The following GGH variants were observed in gnomAD, a reference collection of about 807,000 sequenced individuals.
GGH encodes gamma-glutamyl hydrolase.
GGH carries 18 observed loss-of-function variants against 39.2 expected under a neutral mutation model. The observed-to-expected ratio is 0.46, with a 90% CI of 0.32 to 0.68. The LOEUF (loss-of-function observed/expected upper bound fraction) is 0.68. Ranked by LOEUF, GGH falls within the 30% of genes least tolerant of loss-of-function variation. The pLI, the probability that GGH is intolerant of heterozygous loss-of-function variation, is 0.04. For synonymous variants in GGH, 147 were observed against 138.8 expected (o/e 1.06, Z -0.42); for missense variants, 367 against 384.1 (o/e 0.96, Z 0.37).
At chr8:63,038,233 A>G (rs150505118) in intron 1 of GGH, among the ~76,000 whole-genome samples, 1 of 152,374 alleles carries the variant, frequency 6.6e-6, no homozygotes, top group East Asian at 1.9e-4. Context: ...TTGATTTTCT[A>G]TTACAATGCA....
At chr8:63,026,933 G>T in intron 4 of GGH, 1 of 476,590 alleles carries the variant, frequency 2.1e-6, no homozygotes, top group South Asian at 2.7e-5. Flanking sequence ...ATGAGGACAC[G>T]GTTCACATTA....
chr8:63,017,048 T>C (rs1450046064), intron 8 of GGH, among the ~76,000 whole-genome samples: 1 of 151,998 alleles, frequency 6.6e-6, no homozygotes, highest in Admixed American at 6.6e-5. Context: ...AGAAAGAGCT[T>C]GGTGTGGTAG....
chr8:63,028,203 C>T (rs796731899), intron 3 of GGH: 12 of 152,018 alleles, frequency 7.9e-5, no homozygotes, highest in African/African-American at 2.9e-4. Flanking sequence ...TGGTAGAAAA[C>T]ATATAAGCAT....
At chr8:63,032,293 C>T (rs944035552) in intron 2 of GGH, among the ~76,000 whole-genome samples, 8 of 152,184 alleles carry the variant, frequency 5.3e-5, no homozygotes, top group Admixed American at 1.3e-4. Context: ...ACCTCAGCCT[C>T]CCAAAGTGCT....
chr8:63,035,517 G>A, intron 2 of GGH, 139 bp downstream of exon 2: 2 of 1,237,888 alleles, frequency 1.6e-6, no homozygotes, highest in Non-Finnish European at 1.1e-6. Flanking sequence ...GGTTGGCCTG[G>A]CTGGTCTCGA....
intron 8 of GGH, among the ~76,000 whole-genome samples, chr8:63,016,073 G>T (rs1804482848): frequency 6.6e-6 from 1 of 152,212 alleles, no homozygotes; most frequent in Non-Finnish European, 1.5e-5. Context: ...AAACCAGGAG[G>T]CACAGTGAGA....
chr8:63,038,628 C>A (rs1394388586), intron 1 of GGH, 32 bp downstream of exon 1: 1 of 1,237,364 alleles, frequency 8.1e-7, no homozygotes, highest in Non-Finnish European at 1.1e-6. Flanking sequence ...CAGCTCCTCC[C>A]CGTCTGCTGC....
chr8:63,038,279 GAATGC>G lies in GGH; in HGVS notation c.109+376_109+380del, dbSNP rs1393489958. Among the ~76,000 whole-genome samples, 67 of 152,314 alleles carry G rather than the reference GAATGC, an allele frequency of 4.4e-4. 1 individual carries two copies. Among genetic ancestry groups the G allele is most frequent in the African/African-American group, 1.4e-3 (60 of 41,576 alleles). On this transcript the variant is annotated intron_variant, in intron 1 of 8. Coordinates refer to ENST00000260118, the MANE Select transcript of GGH (RefSeq NM_003878.3). ...AAATACGCCATCAATACATTTTGAT[GAATGC>G]AATGCATGTACAGAATTTGTAGATG...
Position 63,026,239 on chromosome 8 carries a change from G to A in GGH, c.418C>T (p.Leu140Phe). The change falls in exon 5 of 9, where the codon CTT (leucine) becomes TTT (phenylalanine). Residue 140 changes from leucine (L) to phenylalanine (F), a missense_variant. Transcript: ENST00000260118. ...VWGTCLGFEE[L>F]SLLISGECLL... ...CACTCTCCACTAATCAGCAGTGAAA[G>A]CTCTTCAAATCCAAGGCATGTGCCC... 1 of 1,610,006 alleles carries A rather than the reference G, an allele frequency of 6.2e-7. No homozygotes were observed. Among genetic ancestry groups the A allele is most frequent in the Non-Finnish European group, 8.5e-7 (1 of 1,176,966 alleles).
At position 63,024,179 on chromosome 8, in the gene GGH, C is replaced by A; in HGVS notation, c.507G>T (p.Leu169Phe). The A allele has an allele frequency of 6.3e-7, 1 of 1,582,256 alleles. No homozygotes were observed. Among genetic ancestry groups the A allele is most frequent in the East Asian group, 2.2e-5 (1 of 44,642 alleles). ...GAAAATTCTGGAACATTCTGCTGTG[C>A]AATTGACCTGAAATAATTTAAGTAC... ...AMPLNFTGGQ[L>F]HSRMFQNFPT... The change falls in exon 6 of 9, where the codon TTG (leucine) becomes TTT (phenylalanine). Residue 169 changes from leucine to phenylalanine, a missense_variant. Coordinates refer to ENST00000260118, the MANE Select transcript of GGH (RefSeq NM_003878.3).
At chr8:63,025,808 A>C (rs1804673912) in intron 5 of GGH, among the ~76,000 whole-genome samples, 1 of 152,174 alleles carries the variant, frequency 6.6e-6, no homozygotes, top group Non-Finnish European at 1.5e-5. Flanking sequence ...GCAAATGCAG[A>C]CATTGAACCT....
intron 1 of GGH, among the ~76,000 whole-genome samples, chr8:63,037,184 C>T (rs1426167261): frequency 1.3e-5 from 2 of 151,924 alleles, no homozygotes; most frequent in South Asian, 2.1e-4. Context: ...ACATGTCAAA[C>T]GCCAAAATTT....
chr8:63,017,433 A>G lies in GGH; in HGVS notation c.835+60T>C, dbSNP rs1161732457. On this transcript the variant is annotated intron_variant, in intron 8 of 8. Coordinates refer to ENST00000260118, the MANE Select transcript of GGH (RefSeq NM_003878.3). ...AGCAAAAGGGTAGGCAAAAGTTCAG[A>G]TAAGGGCAATTTTCTTCAAAACTAC... is the stretch of plus-strand genomic sequence containing the variant. 3.3e-6 allele frequency: 4 copies of G among 1,195,462 alleles called. No homozygotes were observed. In the African/African-American group the frequency reaches 6.1e-5, roughly 18 times the overall value. 74.1% of individuals were successfully genotyped at this position (1,195,462 alleles called of 1,614,324 possible).
chr8:63,037,955 A>C (rs988317555), intron 1 of GGH, among the ~76,000 whole-genome samples: 3 of 152,230 alleles, frequency 2.0e-5, no homozygotes, highest in Non-Finnish European at 4.4e-5. Context: ...TACAGCCAAA[A>C]TAAAACTAAT....
rs1804463033 is a variant in GGH, at chr8:63,015,186, A to AC, written c.*145_*146insG. On this transcript the variant is annotated 3_prime_UTR_variant, in exon 9 of 9. Transcript: ENST00000260118. Reference sequence around the variant, plus strand: ...TATTTAATTATCTAATGTTATATAAATAGTCACATACAGAATGAAGAATCA... The same window carrying AC: ...TATTTAATTATCTAATGTTATATAAACTAGTCACATACAGAATGAAGAATCA... 1.3e-5 allele frequency: 6 copies of AC among 456,886 alleles called. No individual in the cohort carries two copies. Among genetic ancestry groups the AC allele is most frequent in the Non-Finnish European group, 2.3e-5 (6 of 261,482 alleles). 28.3% of individuals were successfully genotyped at this position (456,886 alleles called of 1,614,324 possible).
intron 2 of GGH, among the ~76,000 whole-genome samples, chr8:63,031,665 T>C (rs149138421): frequency 3.3e-5 from 5 of 152,330 alleles, no homozygotes; most frequent in Non-Finnish European, 7.4e-5. Context: ...ACACTGTCCA[T>C]GACTATAGTT....
intron 4 of GGH, among the ~76,000 whole-genome samples, chr8:63,026,579 A>C (rs1474678197): frequency 6.6e-6 from 1 of 152,240 alleles, no homozygotes; most frequent in Non-Finnish European, 1.5e-5. Flanking sequence ...AAGTATTTCA[A>C]AGGCTAAAAA....
In GGH at chr8:63,017,621, T is replaced by C. The variant is rs1191576858; in HGVS notation, c.707A>G (p.Tyr236Cys). 1 of 1,589,558 alleles carries C rather than the reference T, an allele frequency of 6.3e-7. No homozygotes were observed. The highest frequency in any genetic ancestry group is 1.1e-5 in the South Asian group (1 of 89,334). Reference protein sequence around the residue: ...EFISTMEGYKYPVYGVQWHPE... With the variant: ...EFISTMEGYKCPVYGVQWHPE... ...ATGCCACTGGACACCATATACTGGA[T>C]ACTTATATCCTGTAAGAAGAACACA... The change falls in exon 8 of 9, where the codon TAT becomes TGT. Residue 236 changes from tyrosine (Y) to cysteine (C), a missense_variant. Physicochemically the swap from Tyr to Cys is radical, Grantham distance 194 (BLOSUM62 -2). Transcript: ENST00000260118.
At chr8:63,033,169 T>C (rs755839131) in intron 2 of GGH, among the ~76,000 whole-genome samples, 4 of 152,232 alleles carry the variant, frequency 2.6e-5, no homozygotes, top group Non-Finnish European at 5.9e-5. Context: ...CCCCAAAACA[T>C]GTATAGCTTC....
Sources: gnomAD v4.1 joint callset for allele counts (sites outside exome capture counted in the v4.1 genomes callset) on GRCh38, gnomAD v4.1.1 for gene constraint, MANE v1.5 for transcripts, NCBI Gene and HGNC (gene_info 2026-07-23, HGNC 2026-07-21) for gene names.